The following STK3 variants were observed in gnomAD, a reference collection of about 807,000 sequenced individuals.
STK3 encodes the protein serine/threonine-protein kinase 3.
A neutral mutation model predicts 58.0 loss-of-function variants in STK3; 41 were observed. The ratio of observed to expected loss-of-function variants is 0.71; its 90% CI spans 0.55 to 0.92. The LOEUF is 0.92. Ranked by LOEUF, STK3 falls within the 40% of genes least tolerant of loss-of-function variation. The pLI is 0.00. For missense variants in STK3, 479 were observed against 602.7 expected, an observed-to-expected ratio of 0.79 and a Z score of 2.15; for synonymous variants, 170 against 191.0, an observed-to-expected ratio of 0.89 and a Z score of 0.91.
intron 3 of STK3, among the ~76,000 whole-genome samples, chr8:98,764,112 A>C (rs1422169561): frequency 6.6e-6 from 1 of 152,218 alleles, no homozygotes; most frequent in Non-Finnish European, 1.5e-5. Flanking sequence ...ATTTTTCATC[A>C]ATATTTGCCT....
At chr8:98,645,395 C>A (rs1008923227) in intron 6 of STK3, among the ~76,000 whole-genome samples, 1 of 152,142 alleles carries the variant, frequency 6.6e-6, no homozygotes, top group Non-Finnish European at 1.5e-5. Context: ...AAGGAACACA[C>A]AAGGCCTAAG....
chr8:98,707,139 T>C lies in STK3; in HGVS notation c.516+8A>G, dbSNP rs953691474. On this transcript the variant is annotated splice_region_variant and intron_variant, in intron 5 of 10. Transcript: ENST00000419617. ...CAAGTGTTTAGAAAACCATTAAAGTTAACTTACTGTTAACTGACCAGCCAC... is the reference window on the plus strand; with the variant it reads ...CAAGTGTTTAGAAAACCATTAAAGTCAACTTACTGTTAACTGACCAGCCAC... 4 of 1,596,888 alleles carry C rather than the reference T, an allele frequency of 2.5e-6. No individual in the cohort carries two copies. Among genetic ancestry groups the C allele is most frequent in the Non-Finnish European group, 3.4e-6 (4 of 1,175,938 alleles).
At chr8:98,793,338 A>T (rs1832926411) in intron 1 of STK3, among the ~76,000 whole-genome samples, 4 of 152,158 alleles carry the variant, frequency 2.6e-5, no homozygotes, top group Admixed American at 6.5e-5. Flanking sequence ...ATTAAAAAAA[A>T]ATTTTAATAA....
rs750276203 is a variant in STK3 at position 98,891,447 on chromosome 8, T to C, written c.-78-7613A>G. On this transcript the variant is annotated intron_variant, in intron 1 of 1. Coordinates refer to the STK3 transcript ENST00000519420. ...GAGAACTTTTATAAAACATATTTAA[T>C]GATAATTCATGATTTCTAGGTAGAT... Among the ~76,000 whole-genome samples, 3 of 152,384 alleles carry C rather than the reference T, an allele frequency of 2.0e-5. No individual in the cohort carries two copies. The South Asian group carries it at 6.2e-4, about 32-fold the overall frequency.
intron 1 of STK3, among the ~76,000 whole-genome samples, chr8:98,792,104 AAATT>A (rs1323407958): frequency 1.3e-5 from 2 of 152,202 alleles, no homozygotes; most frequent in African/African-American, 4.8e-5. Flanking sequence ...AAACACAAAC[AAATT>A]AAGAAAAAAC....
At chr8:98,602,786 T>G (rs1260194707) in intron 6 of STK3, among the ~76,000 whole-genome samples, 2 of 151,534 alleles carry the variant, frequency 1.3e-5, no homozygotes, top group Non-Finnish European at 2.9e-5. Flanking sequence ...AGCAATAAAA[T>G]TTTGGAAATA....
downstream of STK3, among the ~76,000 whole-genome samples, chr8:98,451,412 G>A (rs918045925): frequency 1.3e-5 from 2 of 152,154 alleles, no homozygotes; most frequent in East Asian, 1.9e-4. Flanking sequence ...GGTCATAAAC[G>A]TCACTTGAGG....
chr8:98,762,309 G>A (rs1322570805), intron 3 of STK3, among the ~76,000 whole-genome samples: 3 of 152,152 alleles, frequency 2.0e-5, no homozygotes, highest in African/African-American at 7.2e-5. Context: ...AGACTGGAGT[G>A]CAATGGCACA....
intron 6 of STK3, among the ~76,000 whole-genome samples, chr8:98,608,702 A>C (rs903540089): frequency 6.6e-6 from 1 of 152,200 alleles, no homozygotes; most frequent in Non-Finnish European, 1.5e-5. Flanking sequence ...GGACCACTAA[A>C]AAATATACCT....
chr8:98,611,457 A>G (rs1243244132), intron 6 of STK3, among the ~76,000 whole-genome samples: 4 of 152,200 alleles, frequency 2.6e-5, no homozygotes, highest in Non-Finnish European at 4.4e-5. Context: ...TTAGAAAGAA[A>G]AGAAATCTGT....
intron 4 of STK3, among the ~76,000 whole-genome samples, chr8:98,732,341 G>A (rs1460711607): frequency 2.0e-5 from 3 of 151,888 alleles, no homozygotes; most frequent in South Asian, 2.1e-4. Flanking sequence ...TATCAGAAAC[G>A]TCAAGATAAA....
upstream of STK3, among the ~76,000 whole-genome samples, chr8:98,828,974 G>C (rs1835429418): frequency 6.6e-6 from 1 of 152,182 alleles, no homozygotes; most frequent in Non-Finnish European, 1.5e-5. Flanking sequence ...CATCCTTTTG[G>C]TCCTGCAGAT....
At chr8:98,761,199 T>C (rs889702979) in intron 3 of STK3, among the ~76,000 whole-genome samples, 8 of 151,664 alleles carry the variant, frequency 5.3e-5, no homozygotes, top group Non-Finnish European at 1.0e-4. Context: ...TCTCAGGTCA[T>C]TGTAACCTCT....
chr8:98,830,626 A>G (rs941392914), upstream of STK3, among the ~76,000 whole-genome samples: 1 of 152,240 alleles, frequency 6.6e-6, no homozygotes, highest in Non-Finnish European at 1.5e-5. Context: ...GGAAAGCTGC[A>G]GGAACATTTG....
chr8:98,846,682 C>A lies in STK3; in HGVS notation c.110+36965G>T, dbSNP rs118053210. On this transcript the variant is annotated intron_variant, in intron 3 of 12. Transcript: ENST00000523601. ...CCCCCAAAGCCCTATAAATTCCACA[C>A]AATAAAAAGATTCTAATTGGTTTTA... is the stretch of plus-strand genomic sequence containing the variant. Among the ~76,000 whole-genome samples, 890 of 152,184 alleles carry A rather than the reference C, an allele frequency of 5.8e-3. 4 individuals are homozygous for A. The highest frequency in any genetic ancestry group is 0.01 in the Non-Finnish European group (713 of 67,994).
intron 6 of STK3, among the ~76,000 whole-genome samples, chr8:98,693,980 T>C (rs1342326027): frequency 6.6e-6 from 1 of 152,146 alleles, no homozygotes; most frequent in Non-Finnish European, 1.5e-5. Flanking sequence ...TTTTTGTCTC[T>C]TTTTTTAAAA....
chr8:98,631,800 G>A (rs1166447715), intron 6 of STK3, among the ~76,000 whole-genome samples: 11 of 152,186 alleles, frequency 7.2e-5, no homozygotes, highest in Admixed American at 2.0e-4. Context: ...AAGTAGCTGG[G>A]ACTACAGGCA....
chr8:98,762,489 T>C (rs1214682980), intron 3 of STK3, among the ~76,000 whole-genome samples: 1 of 152,036 alleles, frequency 6.6e-6, no homozygotes, highest in Non-Finnish European at 1.5e-5. Context: ...CTTCTGACCT[T>C]GTGATCCACC....
intron 6 of STK3, among the ~76,000 whole-genome samples, chr8:98,618,923 C>G (rs1253166420): frequency 1.3e-5 from 2 of 150,252 alleles, no homozygotes; most frequent in African/African-American, 4.9e-5. Context: ...CCATCCCCAT[C>G]AAGCTACCAA....
Sources: gnomAD v4.1 joint callset for allele counts (sites outside exome capture counted in the v4.1 genomes callset) on GRCh38, gnomAD v4.1.1 for gene constraint, MANE v1.5 for transcripts, NCBI Gene and HGNC (gene_info 2026-07-23, HGNC 2026-07-21) for gene names.